The following XKR7 variants were observed in gnomAD, a reference collection of about 807,000 sequenced individuals.
XKR7 encodes XK related 7.
XKR7 carries 11 observed loss-of-function variants against 42.2 expected under a neutral mutation model. The ratio of observed to expected loss-of-function variants is 0.26; its 90% confidence interval spans 0.16 to 0.43. The LOEUF is 0.43. Ranked by LOEUF, XKR7 falls within the 20% of genes least tolerant of loss-of-function variation. XKR7 has a pLI of 1.00. For synonymous variants in XKR7, 346 were observed against 366.4 expected (o/e 0.94, Z 0.64); for missense variants, 710 against 802.2 (o/e 0.89, Z 1.39).
In XKR7 at chr20:31,997,421, T is replaced by G. The variant is rs531189455; in HGVS notation, c.1704T>G (p.Thr568=). The change falls in exon 3 of 3, where the codon ACT becomes ACG. Residue 568 remains threonine, a synonymous_variant. Coordinates refer to ENST00000562532, the MANE Select transcript of XKR7 (RefSeq NM_001011718.2). ...GGTTGCAGTACCGGAGTGTGGGGAC[T>G]TCCCAGGAGCTGCTGGAGTATGAGA... ...TPRLQYRSVG[T]SQELLEYETT... The G allele has an allele frequency of 1.3e-6, 2 of 1,598,950 alleles. No individual in the cohort carries two copies. The highest frequency in any genetic ancestry group is 2.2e-5 in the South Asian group (2 of 91,056).
chr20:32,000,264 C>T lies in XKR7; in HGVS notation c.*2807C>T, dbSNP rs1783562022. The T allele has an allele frequency of 6.6e-6, 1 of 152,434 alleles. No individual in the cohort carries two copies. The highest frequency in any genetic ancestry group is 2.1e-4 in the South Asian group (1 of 4,840). The allele number at this position is 152,434 out of a possible 1,614,324, so 9.4% of individuals were successfully genotyped here. A position where few individuals can be genotyped will look rare whatever the true frequency, so the allele number is the denominator to read the frequency against. On this transcript the variant is annotated 3_prime_UTR_variant, in exon 3 of 3. Transcript: ENST00000562532. The stretch of plus-strand genomic sequence containing the variant: ...GGAGTCAGATGAGGGAGGGGTCCAT[C>T]CCCTTGGAGCTGTTTTGTTTTTCTT...
At chr20:31,970,775 C>T (rs1256869247) in intron 1 of XKR7, 2 of 152,206 alleles carry the variant, frequency 1.3e-5, no homozygotes, top group Non-Finnish European at 2.9e-5. Context: ...CATGAAAGCC[C>T]TAATTTACAG....
At chr20:31,976,840 G>A (rs919019313) in intron 1 of XKR7, among the ~76,000 whole-genome samples, 3 of 152,190 alleles carry the variant, frequency 2.0e-5, no homozygotes, top group Admixed American at 2.0e-4. Flanking sequence ...CCACCTGGCT[G>A]GCTTTCCCGC....
chr20:31,971,411 G>A (rs186616106), intron 1 of XKR7, among the ~76,000 whole-genome samples: 1 of 152,372 alleles, frequency 6.6e-6, no homozygotes, highest in Admixed American at 6.5e-5. Context: ...CAAAGCAAAA[G>A]CCTCTGGGCC....
intron 1 of XKR7, among the ~76,000 whole-genome samples, chr20:31,994,440 C>T (rs1038779605): frequency 3.3e-5 from 5 of 152,006 alleles, no homozygotes; most frequent in African/African-American, 4.8e-5. Context: ...GGGCCGTGTG[C>T]GGTGGCTCAT....
intron 1 of XKR7, among the ~76,000 whole-genome samples, chr20:31,976,831 C>T (rs1568881100): frequency 6.6e-6 from 1 of 152,202 alleles, no homozygotes; most frequent in Non-Finnish European, 1.5e-5. Flanking sequence ...ATCATCTACC[C>T]ACCTGGCTGG....
chr20:31,985,878 C>T (rs1424835403), intron 1 of XKR7, among the ~76,000 whole-genome samples: 2 of 134,630 alleles, frequency 1.5e-5, no homozygotes. Flanking sequence ...CAGACACAGA[C>T]AGACAGACAG....
chr20:31,996,557 C>T lies in XKR7; in HGVS notation c.840C>T (p.Tyr280=). 1 of 1,502,964 alleles carries T rather than the reference C, an allele frequency of 6.7e-7. No homozygotes were observed. The highest frequency in any genetic ancestry group is 1.4e-5 in the African/African-American group (1 of 71,158). The allele number at this position is 1,502,964 out of a possible 1,614,324, so 93.1% of individuals were successfully genotyped here. Residue 280 remains tyrosine (Y), a synonymous_variant, in exon 3 of 3, where the codon TAC becomes TAT. Transcript: ENST00000562532. The part of the protein sequence containing the change: ...LVSLAWTLAS[Y]QKVLRDSRDD... The stretch of plus-strand genomic sequence containing the variant: ...CTCTGGCCTGGACGCTGGCCTCCTA[C>T]CAGAAGGTGCTGCGGGACTCGCGGG...
chr20:32,002,341 C>T lies in XKR7; in HGVS notation c.*4884C>T, dbSNP rs2064628964. 1 of 152,050 alleles carries T rather than the reference C, an allele frequency of 6.6e-6. No homozygotes were observed. Among genetic ancestry groups the T allele is most frequent in the Admixed American group, 6.5e-5 (1 of 15,272 alleles). The allele number at this position is 152,050 out of a possible 1,614,324, so 9.4% of individuals were successfully genotyped here. On this transcript the variant is annotated 3_prime_UTR_variant, in exon 3 of 3. Coordinates refer to ENST00000562532, the MANE Select transcript of XKR7 (RefSeq NM_001011718.2). ...ATGGGTGGGGGTCCCAGGGCACCTG[C>T]AATAATCTCAGAATGGAGGGTATCC...
Position 31,994,997 on chromosome 20 carries a change from G to A in XKR7, c.585-71G>A, listed in dbSNP as rs1023101049. The stretch of plus-strand genomic sequence containing the variant: ...TGACTTGCCCCCTGCGCCTGTGGGC[G>A]GCTCGGGGCTGGTGCGACAGAGCGA... On this transcript the variant is annotated intron_variant, in intron 1 of 2. Coordinates refer to ENST00000562532, the MANE Select transcript of XKR7 (RefSeq NM_001011718.2). 4.9e-5 allele frequency: 74 copies of A among 1,519,014 alleles called. 2 individuals carry two copies. The Admixed American group carries it at 1.5e-3, about 32-fold the overall frequency. The allele number at this position is 1,519,014 out of a possible 1,614,324, so 94.1% of individuals were successfully genotyped here.
At chr20:31,976,046 G>A (rs977659085) in intron 1 of XKR7, among the ~76,000 whole-genome samples, 1 of 152,200 alleles carries the variant, frequency 6.6e-6, no homozygotes, top group African/African-American at 2.4e-5. Flanking sequence ...TCTGTGAAAT[G>A]GGCATCATAA....
At position 31,968,295 on chromosome 20, in the gene XKR7, G is replaced by T; in HGVS notation, c.120G>T (p.Pro40=). The T allele has an allele frequency of 4.0e-6, 5 of 1,234,972 alleles. No individual in the cohort carries two copies. The highest frequency in any genetic ancestry group is 4.0e-6 in the Non-Finnish European group (4 of 989,252). 76.5% of individuals were successfully genotyped at this position (1,234,972 alleles called of 1,614,324 possible). Residue 40 remains proline, a synonymous_variant, in exon 1 of 3, where the codon CCG becomes CCT. Transcript: ENST00000562532. This position sits in a 1 kb window ranked among gnomAD's most constrained non-coding sequence, Gnocchi z 4.5. ...RGEAAAAAGP[P]GVVGAGGPGP... The stretch of plus-strand genomic sequence containing the variant: ...AGGCGGCGGCGGCGGCCGGGCCCCC[G>T]GGGGTCGTCGGGGCGGGCGGCCCGG...
chr20:31,993,088 C>CCACACACACACA (rs374683030), intron 1 of XKR7, among the ~76,000 whole-genome samples: 2 of 147,314 alleles, frequency 1.4e-5, no homozygotes, highest in African/African-American at 5.0e-5. Flanking sequence ...GGTTCCCCCT[C>CCACACACACACA]CACACACACA....
At chr20:31,974,257 A>G (rs908233804) in intron 1 of XKR7, among the ~76,000 whole-genome samples, 4 of 152,162 alleles carry the variant, frequency 2.6e-5, no homozygotes, top group African/African-American at 9.7e-5. Flanking sequence ...CTGGAGATGC[A>G]TGAGGAGGCT....
At chr20:31,974,536 A>G (rs531353303) in intron 1 of XKR7, among the ~76,000 whole-genome samples, 15 of 152,298 alleles carry the variant, frequency 9.8e-5, no homozygotes, top group African/African-American at 3.6e-4. Context: ...AATAGCACCT[A>G]TCGCATGGTG....
chr20:31,986,652 A>G (rs6061071), intron 1 of XKR7, among the ~76,000 whole-genome samples: 67,307 of 137,342 alleles, frequency 0.49, 18,589 homozygotes, highest in African/African-American at 0.77. Context: ...AGACCACCAA[A>G]CAGACCAAGC....
At chr20:31,989,910 G>A (rs1006372834) in intron 1 of XKR7, among the ~76,000 whole-genome samples, 1 of 152,208 alleles carries the variant, frequency 6.6e-6, no homozygotes, top group Non-Finnish European at 1.5e-5. Context: ...GCCACACCTG[G>A]CCTGGGGATA....
At chr20:31,976,163 T>C (rs1358389356) in intron 1 of XKR7, among the ~76,000 whole-genome samples, 1 of 152,214 alleles carries the variant, frequency 6.6e-6, no homozygotes, top group Non-Finnish European at 1.5e-5. Context: ...GCTAGCATTA[T>C]TGGCCCCATT....
intron 1 of XKR7, among the ~76,000 whole-genome samples, chr20:31,974,930 C>A (rs1478104437): frequency 6.6e-6 from 1 of 152,066 alleles, no homozygotes. Flanking sequence ...CCTGCCTCCT[C>A]CCCTTGCCCA....
Sources: allele counts gnomAD v4.1 joint callset (sites outside exome capture counted in the v4.1 genomes callset), GRCh38; gene constraint gnomAD v4.1.1; non-coding constraint Gnocchi (gnomAD v3.1); transcripts MANE v1.5; gene names NCBI Gene and HGNC (gene_info 2026-07-23, HGNC 2026-07-21).